Variants in IL1B observed in about 807,000 individuals in gnomAD.
The protein encoded by IL1B is interleukin-1 beta.
Under a neutral mutation model 26.2 loss-of-function variants are expected in IL1B, and 11 were observed. The observed-to-expected ratio is 0.42, with a 90% confidence interval of 0.26 to 0.70. The LOEUF is 0.70. IL1B is among the 30% of genes least tolerant of loss of function. The probability of loss-of-function intolerance (pLI) is 0.25; values close to 1 mark genes in which losing one functional copy is unlikely to be tolerated. For synonymous variants in IL1B, 118 were observed against 120.8 expected (o/e 0.98, Z 0.15); for missense variants, 255 against 327.5 (o/e 0.78, Z 1.71).
intron 2 of IL1B, 66 bp from the exon 3 acceptor site, chr2:112,835,683 G>C: frequency 1.5e-6 from 2 of 1,361,144 alleles, no homozygotes. Context: ...CCTTCCCTGT[G>C]TACAAGACTT....
At chr2:112,830,684 A>T in intron 6 of IL1B, 111 bp from the exon 7 acceptor site, 1 of 775,592 alleles carries the variant, frequency 1.3e-6, no homozygotes, top group Admixed American at 1.9e-5. Context: ...TCACATGATC[A>T]GGAGCCAGAC....
At chr2:112,832,985 G>T in intron 4 of IL1B, 159 bp from the exon 5 acceptor site, 1 of 721,840 alleles carries the variant, frequency 1.4e-6, no homozygotes, top group Non-Finnish European at 2.4e-6. Context: ...GGGTGGCTAA[G>T]AACACTGGAC....
chr2:112,831,445 T>G lies in IL1B; in HGVS notation c.467-23A>C, dbSNP rs961804123. 3.1e-6 allele frequency: 5 copies of G among 1,612,052 alleles called. No individual in the cohort carries two copies. The Admixed American group carries it at 8.3e-5, about 27-fold the overall frequency. Reference sequence around the variant, plus strand: ...CCACTGAAGAAAGAAGGGGGTCTTGTGGTTAGGGACACAGCAGTGCAGGGT... The same window carrying G: ...CCACTGAAGAAAGAAGGGGGTCTTGGGGTTAGGGACACAGCAGTGCAGGGT... On this transcript the variant is annotated intron_variant, in intron 5 of 6. Coordinates refer to ENST00000263341, the MANE Select transcript of IL1B (RefSeq NM_000576.3).
At position 112,830,468 on chromosome 2, in the gene IL1B, T is replaced by G; in HGVS notation, c.703A>C (p.Asn235His). 2 of 1,613,970 alleles carry G rather than the reference T, an allele frequency of 1.2e-6. No homozygotes were observed. Among genetic ancestry groups the G allele is most frequent in the Non-Finnish European group, 1.7e-6 (2 of 1,179,954 alleles). ...KLEFESAQFP[N>H]WYISTSQAEN... ...GCTTGAGAGGTGCTGATGTACCAGT[T>G]GGGGAACTGGGCAGACTCAAATTCC... Residue 235 changes from asparagine to histidine, a missense_variant, in exon 7 of 7, where the codon AAC becomes CAC. Transcript: ENST00000263341.
At chr2:112,836,161 T>C (rs1682085761) in intron 2 of IL1B, 22 bp downstream of exon 2, 1 of 1,609,590 alleles carries the variant, frequency 6.2e-7, no homozygotes, top group Non-Finnish European at 8.5e-7. Flanking sequence ...CTCATGTTAC[T>C]GGTCTCAGCG....
chr2:112,836,053 T>C, intron 2 of IL1B, 130 bp downstream of exon 2: 1 of 803,748 alleles, frequency 1.2e-6, no homozygotes, highest in Non-Finnish European at 2.2e-6. Context: ...TTAAATCAGA[T>C]TTACTTGGCA....
At chr2:112,835,220 G>GT (rs1487741082) in intron 3 of IL1B, 3 of 382,016 alleles carry the variant, frequency 7.9e-6, no homozygotes, top group African/African-American at 2.1e-5. Flanking sequence ...TGGTTTCAGA[G>GT]TTTAACTCAA....
At chr2:112,832,974 G>A in intron 4 of IL1B, 148 bp from the exon 5 acceptor site, 1 of 765,932 alleles carries the variant, frequency 1.3e-6, no homozygotes, top group South Asian at 1.5e-5. Flanking sequence ...AGCTGGGAGT[G>A]GGGTGGCTAA....
intron 1 of IL1B, chr2:112,836,505 A>G (rs1682093476): frequency 2.4e-6 from 1 of 410,036 alleles, no homozygotes; most frequent in African/African-American, 2.0e-5. Flanking sequence ...AGCAGTATCC[A>G]TTCCCAGAAT....
At position 112,830,452 on chromosome 2, in the gene IL1B, G is replaced by T. The variant is rs1199067235; in HGVS notation, c.719C>A (p.Thr240Asn). The T allele has an allele frequency of 1.9e-6, 3 of 1,613,868 alleles. No individual in the cohort carries two copies. In the Admixed American group the frequency reaches 5.0e-5, roughly 27 times the overall value. Reference protein sequence around the residue: ...SAQFPNWYISTSQAENMPVFL... With the variant: ...SAQFPNWYISNSQAENMPVFL... ...GACGGGCATGTTTTCTGCTTGAGAG[G>T]TGCTGATGTACCAGTTGGGGAACTG... The change falls in exon 7 of 7, where the codon ACC becomes AAC. Residue 240 changes from threonine (T) to asparagine (N), a missense_variant. By Grantham distance (65) the Thr-to-Asn change is moderately conservative. Transcript: ENST00000263341.
Position 112,830,897 on chromosome 2 carries a change from A to G in IL1B, c.598-324T>C, listed in dbSNP as rs530976949. 7.6e-4 allele frequency among the ~76,000 whole-genome samples: 115 copies of G among 152,148 alleles called. 1 individual carries two copies. Among genetic ancestry groups the G allele is most frequent in the African/African-American group, 2.7e-3 (110 of 41,494 alleles). On this transcript the variant is annotated intron_variant, in intron 6 of 6. Transcript: ENST00000263341. ...TTGTATTTTTCCTTATGGTCCTAGA[A>G]TGACATCAACTTGGAAATGAAGCTT... is the stretch of plus-strand genomic sequence containing the variant.
intron 3 of IL1B, among the ~76,000 whole-genome samples, chr2:112,834,293 A>G (rs889040293): frequency 6.6e-6 from 1 of 152,224 alleles, no homozygotes. Flanking sequence ...CATGCAGATG[A>G]CCATAACATT....
At chr2:112,831,137 T>A (rs1313028326) in intron 6 of IL1B, 155 bp downstream of exon 6, 1 of 838,154 alleles carries the variant, frequency 1.2e-6, no homozygotes. Flanking sequence ...TGCACGCAGT[T>A]AAAAATTATG....
intron 3 of IL1B, among the ~76,000 whole-genome samples, chr2:112,834,692 A>C (rs530129353): frequency 6.6e-6 from 1 of 152,354 alleles, no homozygotes; most frequent in East Asian, 1.9e-4. Context: ...CTTCTAAAGA[A>C]ATATGTTTTT....
chr2:112,833,001 A>G, intron 4 of IL1B, 175 bp from the exon 5 acceptor site: 1 of 678,652 alleles, frequency 1.5e-6, no homozygotes, highest in Non-Finnish European at 2.6e-6. Flanking sequence ...TGGACCTGAC[A>G]CTATTAGACA....
Position 112,833,517 on chromosome 2 carries a change from G to T in IL1B, c.158C>A (p.Ser53Tyr), listed in dbSNP as rs1449638481. 6.2e-7 allele frequency: 1 copy of T among 1,614,164 alleles called. No homozygotes were observed. Among genetic ancestry groups the T allele is most frequent in the Non-Finnish European group, 8.5e-7 (1 of 1,180,042 alleles). ...PLDGGIQLRI[S>Y]DHHYSKGFRQ... ...GAAGCCCTTGCTGTAGTGGTGGTCGGAGATTCGTAGCTGGATGCCGCCATC... is the reference window on the plus strand; with the variant it reads ...GAAGCCCTTGCTGTAGTGGTGGTCGTAGATTCGTAGCTGGATGCCGCCATC... Residue 53 changes from serine to tyrosine, a missense_variant, in exon 4 of 7, where the codon TCC becomes TAC. Transcript: ENST00000263341.
chr2:112,833,467 C>A lies in IL1B; in HGVS notation c.208G>T (p.Ala70Ser), dbSNP rs1558783084. 3.1e-6 allele frequency: 5 copies of A among 1,614,218 alleles called. No individual in the cohort carries two copies. Among genetic ancestry groups the A allele is most frequent in the Non-Finnish European group, 4.2e-6 (5 of 1,180,046 alleles). ...AGCATCTTCCTCAGCTTGTCCATGGCCACAACAACTGACGCGGCCTGCCTG... is the reference window on the plus strand; with the variant it reads ...AGCATCTTCCTCAGCTTGTCCATGGACACAACAACTGACGCGGCCTGCCTG... ...GFRQAASVVV[A>S]MDKLRKMLVP... Residue 70 changes from alanine to serine, a missense_variant, in exon 4 of 7, where the codon GCC becomes TCC. Coordinates refer to ENST00000263341, the MANE Select transcript of IL1B (RefSeq NM_000576.3).
intron 4 of IL1B, 96 bp downstream of exon 4, chr2:112,833,278 A>T (rs2104935878): frequency 8.2e-7 from 1 of 1,212,924 alleles, no homozygotes; most frequent in Non-Finnish European, 1.2e-6. Context: ...TTCTACCTTT[A>T]AAGGGCTTTG....
chr2:112,831,507 T>A, intron 5 of IL1B, 85 bp from the exon 6 acceptor site: 2 of 1,511,652 alleles, frequency 1.3e-6, no homozygotes, highest in Non-Finnish European at 1.8e-6. Context: ...AGGATACATG[T>A]AATTTGGTAG....
Sources: gnomAD v4.1 joint callset for allele counts (sites outside exome capture counted in the v4.1 genomes callset) on GRCh38, gnomAD v4.1.1 for gene constraint, MANE v1.5 for transcripts, NCBI Gene and HGNC (gene_info 2026-07-23, HGNC 2026-07-21) for gene names.